Variants in PARP8 observed in about 807,000 individuals in gnomAD.
PARP8 encodes protein mono-ADP-ribosyltransferase PARP8.
PARP8 carries 51 observed loss-of-function variants against 124.1 expected under a neutral mutation model. The ratio of observed to expected loss-of-function variants is 0.41; its 90% CI spans 0.33 to 0.52. The LOEUF (loss-of-function observed/expected upper bound fraction) is 0.52. Ranked by LOEUF, PARP8 falls within the 20% of genes least tolerant of loss-of-function variation. The probability of loss-of-function intolerance (pLI) is 0.21; values close to 1 mark genes in which losing one functional copy is unlikely to be tolerated. For synonymous variants in PARP8, 391 were observed against 361.5 expected (o/e 1.08, Z -0.93); for missense variants, 860 against 1,018.9 (o/e 0.84, Z 2.12).
intron 17 of PARP8, among the ~76,000 whole-genome samples, chr5:50,823,225 G>T (rs1745965669): frequency 6.6e-6 from 1 of 152,162 alleles, no homozygotes; most frequent in African/African-American, 2.4e-5. Context: ...CCACTAAGCT[G>T]CTATGCAGCT....
chr5:50,694,648 T>G (rs1214619556), intron 2 of PARP8, among the ~76,000 whole-genome samples: 1 of 152,128 alleles, frequency 6.6e-6, no homozygotes, highest in Non-Finnish European at 1.5e-5. Flanking sequence ...CCTGGCTGTA[T>G]TAGTCTGGGT....
chr5:50,784,604 G>T (rs1741035618), intron 9 of PARP8, among the ~76,000 whole-genome samples: 1 of 152,062 alleles, frequency 6.6e-6, no homozygotes, highest in Non-Finnish European at 1.5e-5. Flanking sequence ...CCCAACTGCA[G>T]TTATATGAGA....
chr5:50,672,934 G>T (rs531607164), intron 2 of PARP8, among the ~76,000 whole-genome samples: 8 of 152,250 alleles, frequency 5.3e-5, no homozygotes, highest in South Asian at 2.1e-4. Context: ...GATCAGACGT[G>T]CCCACTCCAG....
intron 15 of PARP8, among the ~76,000 whole-genome samples, chr5:50,817,067 C>T (rs1302444809): frequency 2.0e-5 from 3 of 151,818 alleles, no homozygotes; most frequent in Non-Finnish European, 4.4e-5. Flanking sequence ...CACATTTTAC[C>T]GTATGCAAGC....
In PARP8 at chr5:50,769,162, G is replaced by A. The variant is rs77821499; in HGVS notation, c.518+5920G>A. Among the ~76,000 whole-genome samples, 286 of 152,194 alleles carry A rather than the reference G, an allele frequency of 1.9e-3. 1 individual carries two copies. Among genetic ancestry groups the A allele is most frequent in the African/African-American group, 6.7e-3 (277 of 41,536 alleles). The stretch of plus-strand genomic sequence containing the variant: ...ATACAAAATACTTAGAAATTCACAT[G>A]TAAGAGGTTTTAAAAGCATATATGC... On this transcript the variant is annotated intron_variant, in intron 7 of 25. Transcript: ENST00000281631.
rs1748585139 is a variant in PARP8, at chr5:50,846,032, G to A, written c.*3964G>A. The A allele has an allele frequency of 6.6e-6, 1 of 151,708 alleles. No homozygotes were observed. Among genetic ancestry groups the A allele is most frequent in the Non-Finnish European group, 1.5e-5 (1 of 67,774 alleles). The allele number at this position is 151,708 out of a possible 1,614,324, so 9.4% of individuals were successfully genotyped here. A position where few individuals can be genotyped will look rare whatever the true frequency, so the allele number is the denominator to read the frequency against. ...TTAGACAAAACATATCCATGAGTGT[G>A]AAAAAAGCTGTGTTGACGAATAGAT... On this transcript the variant is annotated 3_prime_UTR_variant, in exon 26 of 26. Coordinates refer to ENST00000281631, the MANE Select transcript of PARP8 (RefSeq NM_024615.4).
chr5:50,824,800 T>G (rs1746162190), intron 17 of PARP8, 108 bp from the exon 18 acceptor site: 4 of 788,874 alleles, frequency 5.1e-6, no homozygotes, highest in Non-Finnish European at 8.6e-6. Context: ...GTCCATAAAT[T>G]TTTAAGTCTT....
rs13186014 is a variant in PARP8, at chr5:50,747,762, T to C, written c.147-2389T>C. 1.1e-3 allele frequency among the ~76,000 whole-genome samples: 72 copies of C among 63,078 alleles called. 3 individuals carry two copies. The highest frequency in any genetic ancestry group is 8.5e-3 in the East Asian group (18 of 2,130). The allele number at this position is 63,078 out of a possible 152,430, so 41.4% of individuals were successfully genotyped here. A position where few individuals can be genotyped will look rare whatever the true frequency, so the allele number is the denominator to read the frequency against. ...CTCTCAAAGATAGGATAGACCTTGC[T>C]TTTTTTTTTTTTTTTTTTTTTTTTT... On this transcript the variant is annotated intron_variant, in intron 2 of 25. Coordinates refer to ENST00000281631, the MANE Select transcript of PARP8 (RefSeq NM_024615.4).
At chr5:50,752,505 G>C (rs1330015946) in intron 3 of PARP8, among the ~76,000 whole-genome samples, 1 of 152,022 alleles carries the variant, frequency 6.6e-6, no homozygotes, top group Admixed American at 6.6e-5. Flanking sequence ...TTTAGCAAAA[G>C]TATAGTATTT....
rs560930261 is a variant in PARP8, at chr5:50,812,415, C to T, written c.1576-3017C>T. ...TCTTTTGAGAAGTGTCTGTTCGTAT[C>T]CTTCGCCCACTTTTTGTTGGGGTTG... is the stretch of plus-strand genomic sequence containing the variant. On this transcript the variant is annotated intron_variant, in intron 14 of 25. Coordinates refer to ENST00000281631, the MANE Select transcript of PARP8 (RefSeq NM_024615.4). Among the ~76,000 whole-genome samples the T allele has an allele frequency of 2.0e-4, 31 of 152,272 alleles. No homozygotes were observed. In the South Asian group the frequency reaches 4.4e-3, roughly 21 times the overall value.
chr5:50,676,108 G>A (rs1464472914), intron 2 of PARP8, among the ~76,000 whole-genome samples: 1 of 152,218 alleles, frequency 6.6e-6, no homozygotes, highest in Non-Finnish European at 1.5e-5. Flanking sequence ...GCATATCCAA[G>A]ATGTGAGTGA....
intron 7 of PARP8, among the ~76,000 whole-genome samples, chr5:50,766,232 T>C (rs1214291034): frequency 2.0e-5 from 3 of 152,228 alleles, no homozygotes; most frequent in African/African-American, 7.2e-5. Flanking sequence ...ATCATACATG[T>C]AAACATTGAT....
intron 2 of PARP8, among the ~76,000 whole-genome samples, chr5:50,727,820 G>T (rs1270177876): frequency 6.6e-6 from 1 of 152,066 alleles, no homozygotes. Flanking sequence ...TCAAGTTATG[G>T]GGCCCTTATG....
At chr5:50,774,201 A>G (rs974586047) in intron 7 of PARP8, among the ~76,000 whole-genome samples, 1 of 152,230 alleles carries the variant, frequency 6.6e-6, no homozygotes, top group Non-Finnish European at 1.5e-5. Context: ...AATTTTTCTT[A>G]GTACAGAACA....
intron 9 of PARP8, among the ~76,000 whole-genome samples, chr5:50,779,831 T>C (rs1580316873): frequency 6.6e-6 from 1 of 152,224 alleles, no homozygotes; most frequent in Non-Finnish European, 1.5e-5. Context: ...TTCTTTCAAA[T>C]TTATAAAATA....
At chr5:50,794,422 AT>A (rs1742293554) in intron 11 of PARP8, 90 bp downstream of exon 11, 1 of 1,442,372 alleles carries the variant, frequency 6.9e-7, no homozygotes, top group African/African-American at 1.4e-5. Context: ...TAGTGTTGGC[AT>A]CTGTTTATTT....
At chr5:50,715,020 C>A (rs1268811005) in intron 2 of PARP8, among the ~76,000 whole-genome samples, 5 of 151,470 alleles carry the variant, frequency 3.3e-5, no homozygotes, top group Non-Finnish European at 7.4e-5. Context: ...GCTTTTTTTT[C>A]CTTTCATTTT....
chr5:50,821,131 T>G, intron 15 of PARP8, 82 bp from the exon 16 acceptor site: 1 of 1,517,162 alleles, frequency 6.6e-7, no homozygotes, highest in Non-Finnish European at 9.1e-7. Flanking sequence ...CATTAACTTA[T>G]GCTACCTTGA....
At chr5:50,738,069 A>C (rs1289378191) in intron 2 of PARP8, among the ~76,000 whole-genome samples, 1 of 152,198 alleles carries the variant, frequency 6.6e-6, no homozygotes, top group African/African-American at 2.4e-5. Flanking sequence ...TAAAAGTATT[A>C]CTATTGCCCT....
Sources: gnomAD v4.1 joint callset for allele counts (sites outside exome capture counted in the v4.1 genomes callset) on GRCh38, gnomAD v4.1.1 for gene constraint, MANE v1.5 for transcripts, NCBI Gene and HGNC (gene_info 2026-07-23, HGNC 2026-07-21) for gene names.